The following PDE4B variants were observed in gnomAD, a reference collection of about 807,000 sequenced individuals.
PDE4B encodes 3',5'-cyclic-AMP phosphodiesterase 4B.
A neutral mutation model predicts 82.2 loss-of-function variants in PDE4B; 20 were observed. That is an observed-to-expected ratio of 0.24 (90% CI 0.17 to 0.35). PDE4B has a LOEUF of 0.35. PDE4B is among the 10% of genes least tolerant of loss of function. PDE4B has a pLI of 1.00. For missense variants in PDE4B, 655 were observed against 907.2 expected (o/e 0.72, Z 3.57); for synonymous variants, 320 against 318.9 (o/e 1.00, Z -0.04).
At chr1:66,168,627 G>A (rs924453227) in intron 3 of PDE4B, among the ~76,000 whole-genome samples, 22 of 152,168 alleles carry the variant, frequency 1.4e-4, no homozygotes, top group African/African-American at 4.6e-4. Flanking sequence ...CTTGGAGACC[G>A]TTGTAAGAAC....
intron 3 of PDE4B, among the ~76,000 whole-genome samples, chr1:66,182,748 G>T (rs1385499930): frequency 6.6e-6 from 1 of 152,156 alleles, no homozygotes; most frequent in Non-Finnish European, 1.5e-5. Context: ...AGGGTGTCTA[G>T]TAAACCTGCA....
Position 66,056,107 on chromosome 1 carries a change from T to G in PDE4B, c.281+137272T>G, listed in dbSNP as rs186903417. On this transcript the variant is annotated intron_variant, in intron 3 of 16. Transcript: ENST00000341517. ...CTTACTTTATTTATGCTACTAACTT[T>G]TTTTAAATTTACTTATTGAACAGTG... is the stretch of plus-strand genomic sequence containing the variant. Among the ~76,000 whole-genome samples the G allele has an allele frequency of 4.0e-3, 607 of 152,366 alleles. 4 individuals carry two copies. The highest frequency in any genetic ancestry group is 0.014 in the African/African-American group (574 of 41,586).
chr1:65,913,479 A>G (rs1045818634), intron 2 of PDE4B, 123 bp downstream of exon 2: 1 of 879,702 alleles, frequency 1.1e-6, no homozygotes, highest in Admixed American at 1.9e-5. Flanking sequence ...TTTCTATGAC[A>G]TGGGCACAGC....
At chr1:66,202,501 G>T (rs36148827) in intron 3 of PDE4B, among the ~76,000 whole-genome samples, 182 of 151,952 alleles carry the variant, frequency 1.2e-3, no homozygotes, top group African/African-American at 3.9e-3. Flanking sequence ...TGTAGGTCAC[G>T]CAGGACTTGC....
intron 3 of PDE4B, among the ~76,000 whole-genome samples, chr1:66,006,329 T>C (rs1414968524): frequency 1.3e-5 from 2 of 152,308 alleles, no homozygotes; most frequent in East Asian, 1.9e-4. Flanking sequence ...CCAACAGATA[T>C]TTATTGCTGG....
At position 66,037,467 on chromosome 1, in the gene PDE4B, A is replaced by G. The variant is rs1424882494; in HGVS notation, c.281+118632A>G. ...CTGATTTTTGTAAGTTGATTTATGT[A>G]TCCTGTAACTTTACTGAATTTGTTT... On this transcript the variant is annotated intron_variant, in intron 3 of 16. Transcript: ENST00000341517. Among the ~76,000 whole-genome samples the G allele has an allele frequency of 3.9e-5, 6 of 152,254 alleles. No individual in the cohort carries two copies. The South Asian group carries it at 1.2e-3, about 32-fold the overall frequency.
chr1:66,141,199 T>A (rs1379902991), intron 3 of PDE4B, among the ~76,000 whole-genome samples: 1 of 151,602 alleles, frequency 6.6e-6, no homozygotes, highest in Admixed American at 6.6e-5. Context: ...ACCTAAGCAC[T>A]GAGAATACTA....
chr1:66,334,373 T>C (rs575793867), intron 8 of PDE4B, among the ~76,000 whole-genome samples: 4 of 152,358 alleles, frequency 2.6e-5, no homozygotes, highest in African/African-American at 9.6e-5. Flanking sequence ...CCTAGAGTGC[T>C]GGAATTAGAC....
At chr1:66,369,123 G>A (rs901627096) in intron 16 of PDE4B, among the ~76,000 whole-genome samples, 154 bp downstream of exon 16, 2 of 152,164 alleles carry the variant, frequency 1.3e-5, no homozygotes, top group Non-Finnish European at 2.9e-5. Flanking sequence ...GGACTCATGC[G>A]ACTTCTCCAT....
At chr1:66,223,209 G>A (rs575222525) in intron 3 of PDE4B, among the ~76,000 whole-genome samples, 13 of 152,132 alleles carry the variant, frequency 8.5e-5, no homozygotes, top group South Asian at 2.1e-4. Context: ...GATGCATGTG[G>A]TGAAGAAAAA....
intron 3 of PDE4B, among the ~76,000 whole-genome samples, chr1:66,054,403 C>G (rs1182187699): frequency 6.7e-6 from 1 of 149,002 alleles, no homozygotes; most frequent in East Asian, 2.0e-4. Context: ...GTCACTATAA[C>G]CAAGTTAAAA....
chr1:66,197,696 T>C (rs966161598), intron 3 of PDE4B, among the ~76,000 whole-genome samples: 1 of 152,042 alleles, frequency 6.6e-6, no homozygotes, highest in African/African-American at 2.4e-5. Context: ...CAAATTCATT[T>C]CTCCTCAAAG....
intron 3 of PDE4B, among the ~76,000 whole-genome samples, chr1:66,087,222 A>G (rs1445174764): frequency 6.6e-6 from 1 of 152,168 alleles, no homozygotes; most frequent in African/African-American, 2.4e-5. Context: ...TTTTAAAAGT[A>G]TCTTACAAAG....
chr1:65,946,422 G>T (rs1187168048), intron 3 of PDE4B, among the ~76,000 whole-genome samples: 1 of 151,976 alleles, frequency 6.6e-6, no homozygotes, highest in Non-Finnish European at 1.5e-5. Context: ...TACTATGGCT[G>T]ATTTCAAGTG....
chr1:66,006,859 A>G (rs1349345005), intron 3 of PDE4B, among the ~76,000 whole-genome samples: 1 of 152,102 alleles, frequency 6.6e-6, no homozygotes, highest in Non-Finnish European at 1.5e-5. Context: ...GCTATGCGAA[A>G]TTGTGAGTCA....
chr1:66,252,289 A>G (rs1392856830), intron 4 of PDE4B, among the ~76,000 whole-genome samples: 2 of 152,184 alleles, frequency 1.3e-5, no homozygotes, highest in Non-Finnish European at 2.9e-5. Context: ...CTTGATTGCA[A>G]TGGACAGACA....
At chr1:66,035,757 A>C (rs1313647294) in intron 3 of PDE4B, among the ~76,000 whole-genome samples, 3 of 152,140 alleles carry the variant, frequency 2.0e-5, no homozygotes, top group Admixed American at 2.0e-4. Flanking sequence ...TTATAGACAA[A>C]AGTTATTTCC....
intron 3 of PDE4B, among the ~76,000 whole-genome samples, chr1:66,224,107 C>A (rs918320051): frequency 4.6e-5 from 7 of 152,132 alleles, no homozygotes; most frequent in African/African-American, 1.7e-4. Flanking sequence ...TGATGTCAAG[C>A]ATTTCCACTT....
intron 3 of PDE4B, among the ~76,000 whole-genome samples, chr1:66,231,267 A>T (rs1432859050): frequency 6.6e-6 from 1 of 152,214 alleles, no homozygotes; most frequent in Non-Finnish European, 1.5e-5. Flanking sequence ...GTAATGTCAC[A>T]TTATTGAGGT....
Sources: gnomAD v4.1 joint callset for allele counts (sites outside exome capture counted in the v4.1 genomes callset) on GRCh38, gnomAD v4.1.1 for gene constraint, MANE v1.5 for transcripts, NCBI Gene and HGNC (gene_info 2026-07-23, HGNC 2026-07-21) for gene names.